ANKAR: variants seen among roughly 807,000 people sequenced by gnomAD.
The protein encoded by ANKAR is ankyrin and armadillo repeat containing.
Under a neutral mutation model 146.2 loss-of-function variants are expected in ANKAR, and 136 were observed. That is an observed-to-expected ratio of 0.93 (90% CI 0.81 to 1.07). ANKAR has a LOEUF of 1.07. Ranked by LOEUF, ANKAR falls within the 50% of genes least tolerant of loss-of-function variation. The pLI is 0.00. For missense variants in ANKAR, 1,567 were observed against 1,679.9 expected, an observed-to-expected ratio of 0.93 and a Z score of 1.18; for synonymous variants, 500 against 575.8, an observed-to-expected ratio of 0.87 and a Z score of 1.88.
chr2:189,706,931 T>C lies in ANKAR; in HGVS notation c.1911-7T>C, dbSNP rs777770306. 1 of 1,594,088 alleles carries C rather than the reference T, an allele frequency of 6.3e-7. No individual in the cohort carries two copies. The highest frequency in any genetic ancestry group is 8.5e-7 in the Non-Finnish European group (1 of 1,173,298). On this transcript the variant is annotated splice_region_variant and splice_polypyrimidine_tract_variant and intron_variant, in intron 8 of 22. Coordinates refer to ENST00000684021, the MANE Select transcript of ANKAR (RefSeq NM_001378068.1). The stretch of plus-strand genomic sequence containing the variant: ...CGTGTTTAATTGTTATGTTTCTTAA[T>C]TTTTAGGAATCAGTGCACTCCACTG...
At chr2:189,696,783 A>G (rs2037270347) in intron 7 of ANKAR, among the ~76,000 whole-genome samples, 1 of 152,212 alleles carries the variant, frequency 6.6e-6, no homozygotes, top group Admixed American at 6.5e-5. Flanking sequence ...ATAGAAATTC[A>G]GAGAACAGCA....
intron 12 of ANKAR, 33 bp from the exon 13 acceptor site, chr2:189,727,823 G>A: frequency 1.2e-6 from 2 of 1,601,214 alleles, no homozygotes; most frequent in East Asian, 2.2e-5. Flanking sequence ...TTTTCATAAG[G>A]TTTATTTAAC....
intron 18 of ANKAR, chr2:189,752,902 A>G (rs1397109709): frequency 6.2e-7 from 1 of 1,613,890 alleles, no homozygotes. Flanking sequence ...GACACAACAA[A>G]GTGCACTGTG....
chr2:189,676,489 A>G lies in ANKAR; in HGVS notation c.-2A>G. On this transcript the variant is annotated 5_prime_UTR_variant, in exon 2 of 23. Coordinates refer to ENST00000684021, the MANE Select transcript of ANKAR (RefSeq NM_001378068.1). Reference sequence around the variant, plus strand: ...AAAAGGACACACTAGATTTAATTAGAAATGTTAAGATTGCCCAAAAAAGGA... The same window carrying G: ...AAAAGGACACACTAGATTTAATTAGGAATGTTAAGATTGCCCAAAAAAGGA... 6.5e-7 allele frequency: 1 copy of G among 1,533,174 alleles called. No individual in the cohort carries two copies. Among genetic ancestry groups the G allele is most frequent in the South Asian group, 1.2e-5 (1 of 84,632 alleles). 95.0% of individuals were successfully genotyped at this position (1,533,174 alleles called of 1,614,324 possible). A position where few individuals can be genotyped will look rare whatever the true frequency, so the allele number is the denominator to read the frequency against.
rs1398592155 is a variant in ANKAR, at chr2:189,744,744, T to G, written c.4013T>G (p.Leu1338Arg). The G allele has an allele frequency of 1.3e-6, 2 of 1,591,190 alleles. No individual in the cohort carries two copies. The change falls in exon 22 of 23, where the codon CTG (leucine) becomes CGG (arginine). Residue 1338 changes from leucine to arginine, a missense_variant and splice_region_variant. Physicochemically the swap from Leu to Arg is moderately radical, Grantham distance 102. Coordinates refer to ENST00000684021, the MANE Select transcript of ANKAR (RefSeq NM_001378068.1). Reference sequence around the variant, plus strand: ...TGACAAAAATGTTTTCCTTTTAGTCTGGAGAAGAATGGAGGACCATCCATA... The same window carrying G: ...TGACAAAAATGTTTTCCTTTTAGTCGGGAGAAGAATGGAGGACCATCCATA... ...QTLVGLPSLSLEKNGGPSIIP... is the reference protein window; with the variant it reads ...QTLVGLPSLSREKNGGPSIIP...
At chr2:189,754,001 A>G (rs1406213140) in intron 18 of ANKAR, 2 of 1,613,638 alleles carry the variant, frequency 1.2e-6, no homozygotes, top group African/African-American at 2.7e-5. Context: ...ATGACATGCC[A>G]TTGTGTGCTG....
intron 18 of ANKAR, among the ~76,000 whole-genome samples, chr2:189,757,708 T>A (rs1485797730): frequency 6.6e-6 from 1 of 152,206 alleles, no homozygotes; most frequent in Non-Finnish European, 1.5e-5. Flanking sequence ...TATGGTGAGC[T>A]GTTCAAAGGC....
At chr2:189,695,264 G>A in intron 6 of ANKAR, 103 bp downstream of exon 6, 2 of 971,084 alleles carry the variant, frequency 2.1e-6, no homozygotes, top group Non-Finnish European at 2.9e-6. Flanking sequence ...ATAGGTTAAA[G>A]TCTTCAACAT....
intron 12 of ANKAR, among the ~76,000 whole-genome samples, chr2:189,726,962 A>G (rs1255555157): frequency 6.6e-6 from 1 of 152,218 alleles, no homozygotes; most frequent in Non-Finnish European, 1.5e-5. Context: ...ACTTATTCTT[A>G]CAACTTTTCT....
chr2:189,706,316 GCA>G (rs1265701565), intron 8 of ANKAR, among the ~76,000 whole-genome samples: 1 of 151,982 alleles, frequency 6.6e-6, no homozygotes, highest in African/African-American at 2.4e-5. Flanking sequence ...GAACCGAGAG[GCA>G]GAGCCTGCAA....
intron 15 of ANKAR, among the ~76,000 whole-genome samples, chr2:189,729,736 G>T (rs184982967): frequency 7.3e-6 from 1 of 137,540 alleles, no homozygotes; most frequent in Non-Finnish European, 1.5e-5. Context: ...GGGGGTTTGT[G>T]GGGACAAAGG....
At chr2:189,735,687 A>C (rs142751447) in intron 17 of ANKAR, among the ~76,000 whole-genome samples, 1 of 152,352 alleles carries the variant, frequency 6.6e-6, no homozygotes, top group Admixed American at 6.5e-5. Flanking sequence ...TACTGTCTAC[A>C]TGGAGATGCA....
intron 18 of ANKAR, among the ~76,000 whole-genome samples, chr2:189,752,499 G>A (rs893925312): frequency 3.9e-5 from 6 of 152,068 alleles, no homozygotes; most frequent in African/African-American, 1.2e-4. Context: ...TTTCTCATAT[G>A]GTATCAACCT....
Position 189,696,136 on chromosome 2 carries a change from C to T in ANKAR, c.1489-14C>T. 6.2e-7 allele frequency: 1 copy of T among 1,611,330 alleles called. No homozygotes were observed. The highest frequency in any genetic ancestry group is 8.5e-7 in the Non-Finnish European group (1 of 1,178,778). ...TGCATTTTGATAAACTGATTCTGGC[C>T]TTCTTAATTTTAGAGTATTCCATTT... On this transcript the variant is annotated splice_polypyrimidine_tract_variant and intron_variant, in intron 6 of 22. Transcript: ENST00000684021.
intron 18 of ANKAR, chr2:189,754,316 A>T: frequency 6.2e-7 from 1 of 1,609,602 alleles, no homozygotes; most frequent in Non-Finnish European, 8.5e-7. Context: ...AGCACTCTGG[A>T]TGTTTTATTA....
At chr2:189,732,349 C>G (rs1193889672) in intron 16 of ANKAR, among the ~76,000 whole-genome samples, 1 of 151,940 alleles carries the variant, frequency 6.6e-6, no homozygotes, top group Non-Finnish European at 1.5e-5. Flanking sequence ...TACTACTCCC[C>G]AAAGTTTTGC....
intron 17 of ANKAR, among the ~76,000 whole-genome samples, chr2:189,736,502 T>TTTTTTTGTGTG (rs1422561376): frequency 1.1e-4 from 16 of 142,066 alleles, no homozygotes; most frequent in African/African-American, 4.1e-4. Context: ...TGACTGGGTT[T>TTTTTTTGTGTG]TGTGTGTGTG....
intron 7 of ANKAR, among the ~76,000 whole-genome samples, chr2:189,699,910 C>T (rs2037807737): frequency 6.6e-6 from 1 of 152,168 alleles, no homozygotes; most frequent in South Asian, 2.1e-4. Flanking sequence ...AAGTGATCCA[C>T]CCACCTCGGC....
At chr2:189,712,653 C>G (rs2039870647) in intron 10 of ANKAR, among the ~76,000 whole-genome samples, 1 of 152,314 alleles carries the variant, frequency 6.6e-6, no homozygotes, top group Non-Finnish European at 1.5e-5. Flanking sequence ...GATAAAACCA[C>G]AAAGATGGGG....
Sources: gnomAD v4.1 joint callset for allele counts (sites outside exome capture counted in the v4.1 genomes callset) on GRCh38, gnomAD v4.1.1 for gene constraint, MANE v1.5 for transcripts, NCBI Gene and HGNC (gene_info 2026-07-23, HGNC 2026-07-21) for gene names.